PPP2R3B: variants seen among roughly 807,000 people sequenced by gnomAD.
PPP2R3B encodes serine/threonine-protein phosphatase 2A regulatory subunit B'' subunit beta.
In PPP2R3B, 68 loss-of-function variants were observed where a neutral mutation model predicts 72.9. That is an observed-to-expected ratio of 0.93 (90% CI 0.77 to 1.14). The LOEUF is 1.14. Ranked by LOEUF, PPP2R3B falls within the 50% of genes most tolerant of loss-of-function variation. PPP2R3B has a pLI of 0.00. For synonymous variants in PPP2R3B, 466 were observed against 375.8 expected (o/e 1.24, Z -2.78); for missense variants, 1,018 against 842.0 (o/e 1.21, Z -2.59).
chrX:363,911 C>G (rs185348612), intron 1 of PPP2R3B, among the ~76,000 whole-genome samples: 162 of 152,380 alleles, frequency 1.1e-3, no homozygotes, highest in Admixed American at 2.4e-3. Flanking sequence ...CCTGGGTACA[C>G]AAACCAACCT....
intron 1 of PPP2R3B, chrX:362,110 CAGG>C (rs1982221816): frequency 5.8e-6 from 1 of 172,022 alleles, no homozygotes; most frequent in Non-Finnish European, 1.3e-5. Flanking sequence ...ACCACACAGC[CAGG>C]AGAAGGGGTC....
rs768439899 is a variant in PPP2R3B, at chrX:334,811, G to A, written c.1578-294C>T. 594 of 363,720 alleles carry A rather than the reference G, an allele frequency of 1.6e-3. 2 individuals carry two copies. The highest frequency in any genetic ancestry group is 2.8e-3 in the East Asian group (64 of 22,612). 22.5% of individuals were successfully genotyped at this position (363,720 alleles called of 1,614,324 possible). ...GGCGGGCGCGCCTCTTCCCCAAAGC[G>A]AGCTGCACGGGACCTGTGTTTACAA... On this transcript the variant is annotated intron_variant, in intron 12 of 12. Transcript: ENST00000390665.
intron 2 of PPP2R3B, among the ~76,000 whole-genome samples, chrX:354,149 CACCGGGGGCTCACCCAGGG>C (rs1227867191): frequency 7.9e-6 from 1 of 126,694 alleles, no homozygotes; most frequent in Non-Finnish European, 1.6e-5. Context: ...CTCACCCAAA[CACCGGGGGCTCACCCAGGG>C]ACTAGGGGCT....
chrX:353,419 A>C (rs2071370458), intron 2 of PPP2R3B, among the ~76,000 whole-genome samples: 1 of 152,170 alleles, frequency 6.6e-6, no homozygotes, highest in African/African-American at 2.4e-5. Context: ...GTGTTTATTG[A>C]AACAATTCAT....
chrX:366,932 G>T (rs1361091389), intron 1 of PPP2R3B, among the ~76,000 whole-genome samples: 5 of 151,810 alleles, frequency 3.3e-5, no homozygotes, highest in Admixed American at 2.0e-4. Flanking sequence ...AGAGGCTGAG[G>T]CAGGAGAATC....
At chrX:364,664 G>A (rs1357735486) in intron 1 of PPP2R3B, among the ~76,000 whole-genome samples, 3 of 125,120 alleles carry the variant, frequency 2.4e-5, no homozygotes, top group Non-Finnish European at 3.3e-5. Flanking sequence ...GTTGCAGTGA[G>A]CTGAGATCGC....
intron 2 of PPP2R3B, among the ~76,000 whole-genome samples, chrX:360,993 G>C (rs1232890093): frequency 1.3e-5 from 2 of 152,210 alleles, no homozygotes; most frequent in Non-Finnish European, 2.9e-5. Context: ...CAGCTGCCCA[G>C]CCTGGGATGG....
At chrX:375,622 C>T (rs2071974627) in intron 1 of PPP2R3B, among the ~76,000 whole-genome samples, 2 of 152,256 alleles carry the variant, frequency 1.3e-5, no homozygotes, top group Non-Finnish European at 2.9e-5. Context: ...ACTCACAGGG[C>T]AGAGGTGCCG....
At position 386,608 on chromosome X, in the gene PPP2R3B, C is replaced by A; in HGVS notation, c.84G>T (p.Thr28=). Residue 28 remains threonine, a synonymous_variant, in exon 1 of 13, where the codon ACG becomes ACT. Coordinates refer to ENST00000390665, the MANE Select transcript of PPP2R3B (RefSeq NM_013239.5). ...LFLYWLSEAS[T]QRMLQDCLRR... is the part of the protein sequence containing the mutation. ...GCAGGCAGTCCTGCAGCATCCGCTG[C>A]GTGCTGGCCTCGCTGAGCCAGTACA... 1 of 1,446,962 alleles carries A rather than the reference C, an allele frequency of 6.9e-7. No individual in the cohort carries two copies. The highest frequency in any genetic ancestry group is 3.0e-5 in the East Asian group (1 of 33,096). 89.6% of individuals were successfully genotyped at this position (1,446,962 alleles called of 1,614,324 possible).
intron 2 of PPP2R3B, among the ~76,000 whole-genome samples, chrX:349,791 TCA>T (rs1352128127): frequency 2.0e-5 from 3 of 152,084 alleles, no homozygotes; most frequent in East Asian, 1.9e-4. Context: ...GGAACAAAAA[TCA>T]CACACAGTGT....
rs750172476 is a variant in PPP2R3B, at chrX:347,275, A to C, written c.676T>G (p.Cys226Gly). ...KFVHLLMSPG[C>G]NYLVQEDFVP... Reference sequence around the variant, plus strand: ...AAGTCCTCCTGCACCAGGTAGTTGCAGCCGGGGCTCATGAGCAGATGGACG... The same window carrying C: ...AAGTCCTCCTGCACCAGGTAGTTGCCGCCGGGGCTCATGAGCAGATGGACG... Residue 226 changes from cysteine to glycine, a missense_variant, in exon 4 of 13, where the codon TGC (cysteine) becomes GGC (glycine). Physicochemically the swap from Cys to Gly is radical, Grantham distance 159 (BLOSUM62 -3). Transcript: ENST00000390665. 1.2e-6 allele frequency: 2 copies of C among 1,613,794 alleles called. No homozygotes were observed. The highest frequency in any genetic ancestry group is 1.7e-4 in the Middle Eastern group (1 of 6,016).
rs2071046100 is a variant in PPP2R3B at position 340,786 on chromosome X, G to A, written c.1330C>T (p.Leu444=). The change falls in exon 10 of 13, where the codon CTG becomes TTG. Residue 444 remains leucine, a synonymous_variant. Coordinates refer to ENST00000390665, the MANE Select transcript of PPP2R3B (RefSeq NM_013239.5). ...FQDCLCQMLD[L]VKPRTEGKIT... ...TCACCTTCAGTCCTCGGCTTGACCA[G>A]GTCCAGCATCTGGCAGAGGCAGTCC... 2 of 1,541,732 alleles carry A rather than the reference G, an allele frequency of 1.3e-6. No homozygotes were observed.
intron 2 of PPP2R3B, among the ~76,000 whole-genome samples, chrX:355,398 T>C (rs1480198987): frequency 6.6e-6 from 1 of 152,190 alleles, no homozygotes; most frequent in African/African-American, 2.4e-5. Flanking sequence ...GAAGCCTCAA[T>C]ATGGTCAAGA....
chrX:349,758 T>C lies in PPP2R3B; in HGVS notation c.511-2065A>G, dbSNP rs190944082. Among the ~76,000 whole-genome samples, 644 of 152,292 alleles carry C rather than the reference T, an allele frequency of 4.2e-3. 4 individuals are homozygous for C. Among genetic ancestry groups the C allele is most frequent in the African/African-American group, 0.015 (624 of 41,558 alleles). On this transcript the variant is annotated intron_variant, in intron 2 of 12. Transcript: ENST00000390665. ...TCAATAATGCCATCTATCAAGAGCATGAAAAATCAACCTACGAAAAATGGA... is the reference window on the plus strand; with the variant it reads ...TCAATAATGCCATCTATCAAGAGCACGAAAAATCAACCTACGAAAAATGGA...
At chrX:338,409 G>T in intron 12 of PPP2R3B, 195 bp downstream of exon 12, 1 of 634,332 alleles carries the variant, frequency 1.6e-6, no homozygotes, top group East Asian at 2.7e-5. Context: ...ACCGAGGCCC[G>T]GCCCTGTCAT....
At chrX:341,117 C>A (rs2071059922) in intron 9 of PPP2R3B, 177 bp from the exon 10 acceptor site, 1 of 401,400 alleles carries the variant, frequency 2.5e-6, no homozygotes, top group Non-Finnish European at 2.8e-6. Context: ...ACGCGTCCCC[C>A]TGTGCCGTGC....
At position 384,297 on chromosome X, in the gene PPP2R3B, T is replaced by TATAC. The variant is rs1556284597; in HGVS notation, c.324+2070_324+2071insGTAT. ...CTCTCTCTCTCTATATATATATATA[T>TATAC]ACTTTTTTTTTTTTTTTGAGACAGG... is the stretch of plus-strand genomic sequence containing the variant. On this transcript the variant is annotated intron_variant, in intron 1 of 12. Transcript: ENST00000390665. Among the ~76,000 whole-genome samples the TATAC allele has an allele frequency of 2.6e-3, 389 of 148,630 alleles. 1 individual carries two copies. The highest frequency in any genetic ancestry group is 9.3e-3 in the African/African-American group (371 of 39,862).
At chrX:367,985 A>C (rs2071759836) in intron 1 of PPP2R3B, among the ~76,000 whole-genome samples, 1 of 152,204 alleles carries the variant, frequency 6.6e-6, no homozygotes, top group African/African-American at 2.4e-5. Context: ...GAGGTCAGTC[A>C]GGGGAAGACA....
chrX:368,856 C>CG (rs2071792275), intron 1 of PPP2R3B, among the ~76,000 whole-genome samples: 1 of 62,850 alleles, frequency 1.6e-5, no homozygotes, highest in Admixed American at 1.6e-4. Context: ...GGGCACCGAC[C>CG]GGGGGAAGGC....
Sources: gnomAD v4.1 joint callset for allele counts (sites outside exome capture counted in the v4.1 genomes callset) on GRCh38, gnomAD v4.1.1 for gene constraint, MANE v1.5 for transcripts, NCBI Gene and HGNC (gene_info 2026-07-23, HGNC 2026-07-21) for gene names.